The following ZNF385D variants were observed in gnomAD, a reference collection of about 807,000 sequenced individuals.
ZNF385D encodes the protein zinc finger protein 659.
A neutral mutation model predicts 35.8 loss-of-function variants in ZNF385D; 15 were observed. The ratio of observed to expected loss-of-function variants is 0.42; its 90% CI spans 0.28 to 0.64. ZNF385D has a LOEUF of 0.64. ZNF385D is among the 30% of genes least tolerant of loss of function. ZNF385D has a pLI of 0.23. For synonymous variants in ZNF385D, 212 were observed against 186.8 expected, an observed-to-expected ratio of 1.13 and a Z score of -1.10; for missense variants, 474 against 494.6, an observed-to-expected ratio of 0.96 and a Z score of 0.39.
intron 3 of ZNF385D, among the ~76,000 whole-genome samples, chr3:21,763,139 T>G (rs992932907): frequency 6.6e-6 from 1 of 152,132 alleles, no homozygotes; most frequent in Non-Finnish European, 1.5e-5. Context: ...ATGGACAGTT[T>G]AGAGAAAAAA....
At chr3:21,444,078 CTCT>C (rs1329480777) in intron 4 of ZNF385D, among the ~76,000 whole-genome samples, 7 of 126,792 alleles carry the variant, frequency 5.5e-5, no homozygotes, top group Non-Finnish European at 9.5e-5. Context: ...CTGGATTTCC[CTCT>C]TTTTTTTTTT....
In ZNF385D at chr3:21,618,782, G is replaced by T. The variant is rs1396713798; in HGVS notation, c.165+46104C>A. Among the ~76,000 whole-genome samples, 3 of 152,040 alleles carry T rather than the reference G, an allele frequency of 2.0e-5. No homozygotes were observed. The East Asian group carries it at 5.8e-4, about 29-fold the overall frequency. On this transcript the variant is annotated intron_variant, in intron 2 of 7. Coordinates refer to ENST00000281523, the MANE Select transcript of ZNF385D (RefSeq NM_024697.3). ...AAGCAATACAGTAGTGAAACCAAGG[G>T]CTAAACTTACCTGCCCACCAAACTT...
chr3:22,002,348 C>T (rs767733986), intron 3 of ZNF385D, among the ~76,000 whole-genome samples: 1 of 151,974 alleles, frequency 6.6e-6, no homozygotes, highest in South Asian at 2.1e-4. Flanking sequence ...CTAGAGCAAA[C>T]AGATAAATTC....
At chr3:21,551,242 A>G (rs2062558577) in intron 3 of ZNF385D, among the ~76,000 whole-genome samples, 1 of 152,186 alleles carries the variant, frequency 6.6e-6, no homozygotes, top group African/African-American at 2.4e-5. Context: ...TGTAGTAACA[A>G]CCATTGAAAC....
chr3:22,266,742 G>A (rs1236232700), intron 2 of ZNF385D, among the ~76,000 whole-genome samples: 1 of 151,812 alleles, frequency 6.6e-6, no homozygotes, highest in African/African-American at 2.4e-5. Context: ...ACTCTTGTTT[G>A]GCTACTGCTT....
chr3:21,986,120 T>C (rs1477800074), intron 3 of ZNF385D, among the ~76,000 whole-genome samples: 1 of 90,104 alleles, frequency 1.1e-5, no homozygotes, highest in Non-Finnish European at 2.0e-5. Flanking sequence ...AAAAACCAGC[T>C]CCTGGATTCA....
intron 3 of ZNF385D, among the ~76,000 whole-genome samples, chr3:21,917,758 T>C (rs554322653): frequency 6.6e-6 from 1 of 152,328 alleles, no homozygotes; most frequent in African/African-American, 2.4e-5. Flanking sequence ...TCTTTACAAG[T>C]CATATCTGTA....
Position 22,024,734 on chromosome 3 carries a change from C to A in ZNF385D, c.325+144083G>T, listed in dbSNP as rs537489704. Among the ~76,000 whole-genome samples, 4 of 152,198 alleles carry A rather than the reference C, an allele frequency of 2.6e-5. No homozygotes were observed. In the East Asian group the frequency reaches 7.8e-4, roughly 30 times the overall value. ...GTGAGAGGCAAGGAGTTTAGTGACT[C>A]TATACATAATATTTTTGACCATCTG... On this transcript the variant is annotated intron_variant, in intron 3 of 5. Transcript: ENST00000494108.
intron 3 of ZNF385D, among the ~76,000 whole-genome samples, chr3:21,997,007 T>C (rs564227489): frequency 1.3e-5 from 2 of 152,100 alleles, no homozygotes; most frequent in African/African-American, 2.4e-5. Flanking sequence ...ACCAATGTTA[T>C]TTAAACTTTA....
chr3:22,033,391 G>C (rs1698121302), intron 3 of ZNF385D, among the ~76,000 whole-genome samples: 1 of 127,354 alleles, frequency 7.9e-6, no homozygotes, highest in African/African-American at 3.4e-5. Flanking sequence ...GACAGAGCAA[G>C]GCTGGCTCCA....
At chr3:22,224,389 T>A (rs1698436120) in intron 2 of ZNF385D, among the ~76,000 whole-genome samples, 2 of 152,176 alleles carry the variant, frequency 1.3e-5, no homozygotes, top group Non-Finnish European at 2.9e-5. Flanking sequence ...AGTTCAAATA[T>A]CTTTAGTTGA....
intron 3 of ZNF385D, among the ~76,000 whole-genome samples, chr3:21,896,399 CA>C (rs1559732874): frequency 6.6e-6 from 1 of 152,026 alleles, no homozygotes. Context: ...CAAAATAAAA[CA>C]AAAAATTTCT....
At chr3:21,824,097 C>T (rs1281353506) in intron 3 of ZNF385D, among the ~76,000 whole-genome samples, 4 of 152,066 alleles carry the variant, frequency 2.6e-5, no homozygotes, top group South Asian at 2.1e-4. Flanking sequence ...TCTGTGCAAA[C>T]GTACAACTGA....
chr3:22,165,860 C>G (rs1021373092), intron 3 of ZNF385D, among the ~76,000 whole-genome samples: 1 of 152,204 alleles, frequency 6.6e-6, no homozygotes, highest in East Asian at 1.9e-4. Flanking sequence ...AGGATTACTA[C>G]AGAATTTTCT....
In ZNF385D at chr3:22,075,954, C is replaced by T. The variant is rs115664447; in HGVS notation, c.325+92863G>A. On this transcript the variant is annotated intron_variant, in intron 3 of 5. Coordinates refer to the ZNF385D transcript ENST00000494108. ...CCGAATGTGGTGAGGATATTCTTCG[C>T]TTCTTTAATTCCCCATGCCCAAAAG... Among the ~76,000 whole-genome samples the T allele has an allele frequency of 8.1e-3, 1,228 of 152,024 alleles. 16 individuals carry two copies. The highest frequency in any genetic ancestry group is 0.029 in the South Asian group (140 of 4,822).
intron 3 of ZNF385D, among the ~76,000 whole-genome samples, chr3:22,049,761 A>AT (rs1699232204): frequency 6.6e-6 from 1 of 152,066 alleles, no homozygotes; most frequent in Non-Finnish European, 1.5e-5. Flanking sequence ...GAAATGATAT[A>AT]TTTTTTGTTC....
At position 21,529,200 on chromosome 3, in the gene ZNF385D, A is replaced by T. The variant is rs1170099053; in HGVS notation, c.277-18177T>A. Among the ~76,000 whole-genome samples, 3 of 152,138 alleles carry T rather than the reference A, an allele frequency of 2.0e-5. 1 individual carries two copies. Among genetic ancestry groups the T allele is most frequent in the Non-Finnish European group, 4.4e-5 (3 of 68,032 alleles). On this transcript the variant is annotated intron_variant, in intron 3 of 7. Coordinates refer to ENST00000281523, the MANE Select transcript of ZNF385D (RefSeq NM_024697.3). ...TTCCACCTGAAACTAGAGATAGAATATGACTGTGGGGTTTTCTTACCATTG... is the reference window on the plus strand; with the variant it reads ...TTCCACCTGAAACTAGAGATAGAATTTGACTGTGGGGTTTTCTTACCATTG...
chr3:22,009,026 A>G (rs1312044248), intron 3 of ZNF385D, among the ~76,000 whole-genome samples: 1 of 152,240 alleles, frequency 6.6e-6, no homozygotes, highest in Non-Finnish European at 1.5e-5. Flanking sequence ...ACAAAGTCAT[A>G]CAAGTCCTAG....
intron 3 of ZNF385D, among the ~76,000 whole-genome samples, chr3:21,938,375 A>G (rs991436234): frequency 6.6e-6 from 1 of 152,154 alleles, no homozygotes; most frequent in East Asian, 1.9e-4. Flanking sequence ...CACCTCCTGT[A>G]ACTTAATTGG....
Sources: gnomAD v4.1 joint callset for allele counts (sites outside exome capture counted in the v4.1 genomes callset) on GRCh38, gnomAD v4.1.1 for gene constraint, MANE v1.5 for transcripts, NCBI Gene and HGNC (gene_info 2026-07-23, HGNC 2026-07-21) for gene names.